PARN: variants seen among roughly 807,000 people sequenced by gnomAD.
PARN encodes poly(A)-specific ribonuclease PARN.
PARN carries 71 observed loss-of-function variants against 102.8 expected under a neutral mutation model. The ratio of observed to expected loss-of-function variants is 0.69; its 90% CI spans 0.57 to 0.84. The LOEUF is 0.84. Ranked by LOEUF, PARN falls within the 40% of genes least tolerant of loss-of-function variation. The pLI is 0.00. For missense variants in PARN, 782 were observed against 760.9 expected, an observed-to-expected ratio of 1.03 and a Z score of -0.33; for synonymous variants, 261 against 252.9, an observed-to-expected ratio of 1.03 and a Z score of -0.30.
intron 21 of PARN, among the ~76,000 whole-genome samples, chr16:14,550,766 C>A (rs1161054002): frequency 6.6e-6 from 1 of 152,166 alleles, no homozygotes; most frequent in Non-Finnish European, 1.5e-5. Context: ...AAAAATTTCA[C>A]ATCTTTTACA....
chr16:14,547,046 T>G (rs1966991656), intron 21 of PARN, among the ~76,000 whole-genome samples: 3 of 148,484 alleles, frequency 2.0e-5, no homozygotes, highest in African/African-American at 7.5e-5. Flanking sequence ...TGAGCCAAGA[T>G]CGCACAACGG....
At chr16:14,498,179 T>C (rs1964418328) in intron 21 of PARN, among the ~76,000 whole-genome samples, 2 of 150,628 alleles carry the variant, frequency 1.3e-5, no homozygotes, top group Admixed American at 1.3e-4. Flanking sequence ...GCTTATTCAT[T>C]AACCCAGTGA....
chr16:14,465,668 G>C (rs1759850866), intron 22 of PARN, among the ~76,000 whole-genome samples: 3 of 152,032 alleles, frequency 2.0e-5, no homozygotes, highest in African/African-American at 7.2e-5. Context: ...TGATACTGAA[G>C]TTCATAGGGA....
intron 21 of PARN, among the ~76,000 whole-genome samples, chr16:14,500,979 T>C (rs1031311415): frequency 1.3e-5 from 2 of 152,136 alleles, no homozygotes; most frequent in Non-Finnish European, 2.9e-5. Flanking sequence ...GGCTACAGAT[T>C]CTTCTGCTAT....
rs1354696375 is a variant in PARN at position 14,610,892 on chromosome 16, TACTC to T, written c.389-87_389-84del. ...GTTTAACAAACCAAAGAGTCTAAAT[TACTC>T]AGGAAAGATTTACCATATTTAACTA... On this transcript the variant is annotated intron_variant, in intron 6 of 23. Transcript: ENST00000437198. 3.0e-5 allele frequency: 26 copies of T among 865,784 alleles called. No homozygotes were observed. In the East Asian group the frequency reaches 5.6e-4, roughly 19 times the overall value. 53.6% of individuals were successfully genotyped at this position (865,784 alleles called of 1,614,324 possible). A position where few individuals can be genotyped will look rare whatever the true frequency, so the allele number is the denominator to read the frequency against.
intron 22 of PARN, among the ~76,000 whole-genome samples, chr16:14,468,955 A>T (rs940055405): frequency 6.6e-6 from 1 of 152,020 alleles, no homozygotes; most frequent in East Asian, 1.9e-4. Flanking sequence ...CATTTGAAAC[A>T]CTAAAACAAA....
intron 18 of PARN, among the ~76,000 whole-genome samples, chr16:14,557,557 C>CAA (rs751028710): frequency 5.5e-4 from 20 of 36,390 alleles, no homozygotes; most frequent in South Asian, 9.9e-4. Context: ...AACTCTGCCT[C>CAA]AAAAAAAAAA....
chr16:14,492,460 AG>A (rs1290354601), intron 21 of PARN, among the ~76,000 whole-genome samples: 3 of 152,160 alleles, frequency 2.0e-5, no homozygotes, highest in African/African-American at 7.2e-5. Context: ...CACCATGGTG[AG>A]GGCAGGTGCT....
chr16:14,517,773 G>A (rs1223906234), intron 21 of PARN, among the ~76,000 whole-genome samples: 1 of 152,132 alleles, frequency 6.6e-6, no homozygotes, highest in Non-Finnish European at 1.5e-5. Flanking sequence ...CTACCTCCCA[G>A]GTTCAAGTGA....
chr16:14,460,911 AG>A (rs2151572448), intron 22 of PARN, among the ~76,000 whole-genome samples: 1 of 152,362 alleles, frequency 6.6e-6, no homozygotes, highest in East Asian at 1.9e-4. Flanking sequence ...GAGTGTGGAA[AG>A]AGAGAGAACA....
intron 22 of PARN, among the ~76,000 whole-genome samples, chr16:14,471,341 CATATT>C (rs1470327499): frequency 2.6e-5 from 4 of 152,110 alleles, no homozygotes; most frequent in African/African-American, 7.2e-5. Context: ...TGTGATAACT[CATATT>C]ATATGATAAT....
At chr16:14,584,182 T>C (rs1162862408) in intron 16 of PARN, among the ~76,000 whole-genome samples, 165 bp downstream of exon 16, 4 of 152,212 alleles carry the variant, frequency 2.6e-5, no homozygotes, top group East Asian at 1.9e-4. Context: ...TAAAAGACCA[T>C]CTTTATTCAA....
intron 18 of PARN, among the ~76,000 whole-genome samples, chr16:14,557,020 C>T (rs1194339533): frequency 6.6e-6 from 1 of 152,118 alleles, no homozygotes; most frequent in Non-Finnish European, 1.5e-5. Flanking sequence ...TAAAAGAGTG[C>T]TTGTAAATTA....
chr16:14,543,880 A>G (rs1966856256), intron 21 of PARN, among the ~76,000 whole-genome samples: 1 of 152,234 alleles, frequency 6.6e-6, no homozygotes, highest in African/African-American at 2.4e-5. Flanking sequence ...ATTAAATTTC[A>G]GAGTCAACAG....
intron 21 of PARN, among the ~76,000 whole-genome samples, chr16:14,541,119 C>G (rs1210361871): frequency 7.9e-6 from 1 of 126,310 alleles, no homozygotes; most frequent in Non-Finnish European, 1.7e-5. Flanking sequence ...GGCGAAACAT[C>G]TTTTTTTTTT....
intron 17 of PARN, among the ~76,000 whole-genome samples, chr16:14,581,845 G>C (rs1969552958): frequency 6.6e-6 from 1 of 152,202 alleles, no homozygotes; most frequent in Non-Finnish European, 1.5e-5. Flanking sequence ...CAGCGTTGCA[G>C]TAAGCTATGA....
At chr16:14,581,042 C>T in intron 17 of PARN, 99 bp from the exon 18 acceptor site, 2 of 692,816 alleles carry the variant, frequency 2.9e-6, no homozygotes, top group Admixed American at 2.2e-5. Flanking sequence ...CATGGTTCAA[C>T]AAGTGTGAAA....
At chr16:14,540,145 A>G (rs1966785951) in intron 21 of PARN, among the ~76,000 whole-genome samples, 2 of 152,212 alleles carry the variant, frequency 1.3e-5, no homozygotes, top group South Asian at 2.1e-4. Context: ...TACTTACAGC[A>G]TAAAAATCAT....
intron 23 of PARN, among the ~76,000 whole-genome samples, chr16:14,437,264 G>A (rs1960745060): frequency 6.6e-6 from 1 of 152,216 alleles, no homozygotes; most frequent in Non-Finnish European, 1.5e-5. Context: ...TCCTCCCACA[G>A]CACCAACATC....
Sources: gnomAD v4.1 joint callset for allele counts (sites outside exome capture counted in the v4.1 genomes callset) on GRCh38, gnomAD v4.1.1 for gene constraint, MANE v1.5 for transcripts, NCBI Gene and HGNC (gene_info 2026-07-23, HGNC 2026-07-21) for gene names.